HIBADH: variants seen among roughly 807,000 people sequenced by gnomAD.
HIBADH encodes the protein 3-hydroxyisobutyrate dehydrogenase, mitochondrial.
A neutral mutation model predicts 36.1 loss-of-function variants in HIBADH; 25 were observed. The ratio of observed to expected loss-of-function variants is 0.69; its 90% confidence interval spans 0.50 to 0.97. The LOEUF (loss-of-function observed/expected upper bound fraction) is 0.97, where lower values mean the gene tolerates loss of function less well. HIBADH is among the 50% of genes least tolerant of loss of function. The probability of loss-of-function intolerance (pLI) is 0.00; values close to 1 mark genes in which losing one functional copy is unlikely to be tolerated. For missense variants in HIBADH, 421 were observed against 418.0 expected (o/e 1.01, Z -0.06); for synonymous variants, 160 against 149.5 (o/e 1.07, Z -0.51).
Position 27,629,403 on chromosome 7 carries a change from C to T in HIBADH, c.452G>A (p.Gly151Glu). 6.2e-7 allele frequency: 1 copy of T among 1,611,882 alleles called. No individual in the cohort carries two copies. Among genetic ancestry groups the T allele is most frequent in the Non-Finnish European group, 8.5e-7 (1 of 1,178,808 alleles). Residue 151 changes from glycine (G) to glutamate (E), a missense_variant, in exon 4 of 8, where the codon GGA becomes GAA. By Grantham distance (98) the Gly-to-Glu change is moderately conservative. Coordinates refer to ENST00000265395, the MANE Select transcript of HIBADH (RefSeq NM_152740.4). ...KELAKEVEKM[G>E]AVFMDAPVSG... ...AACAGGGGCATCCATGAAAACTGCT[C>T]CCATTTTCTCAACTTCTTTGGCCAA...
intron 4 of HIBADH, among the ~76,000 whole-genome samples, chr7:27,586,390 G>C (rs1021053342): frequency 2.2e-5 from 3 of 135,566 alleles, no homozygotes; most frequent in African/African-American, 8.0e-5. Context: ...AGGAAAGAAG[G>C]AAGGAAGGGA....
At chr7:27,661,633 A>T (rs1006266028) in intron 1 of HIBADH, among the ~76,000 whole-genome samples, 3 of 150,644 alleles carry the variant, frequency 2.0e-5, no homozygotes, top group African/African-American at 7.3e-5. Context: ...AGGGGCTCAA[A>T]TCCTAACCCA....
In HIBADH at chr7:27,526,166, C is replaced by T; in HGVS notation, c.*48G>A. 1.3e-6 allele frequency: 2 copies of T among 1,520,424 alleles called. No homozygotes were observed. The highest frequency in any genetic ancestry group is 1.8e-6 in the Non-Finnish European group (2 of 1,134,570). 94.2% of individuals were successfully genotyped at this position (1,520,424 alleles called of 1,614,324 possible). A position where few individuals can be genotyped will look rare whatever the true frequency, so the allele number is the denominator to read the frequency against. On this transcript the variant is annotated 3_prime_UTR_variant, in exon 8 of 8. Transcript: ENST00000265395. ...TTGTGGAGTGAGCTAAAAGGAGGCT[C>T]CAAGACAGAGTTTGGTTCCCAACAG...
At chr7:27,633,812 A>C (rs903313390) in intron 2 of HIBADH, among the ~76,000 whole-genome samples, 1 of 152,206 alleles carries the variant, frequency 6.6e-6, no homozygotes. Flanking sequence ...TGTAAAAACT[A>C]ACATATTTCT....
intron 4 of HIBADH, among the ~76,000 whole-genome samples, chr7:27,558,243 T>A: frequency 6.6e-6 from 1 of 152,224 alleles, no homozygotes; most frequent in East Asian, 1.9e-4. Context: ...TTAATTCCAA[T>A]TACCACATTT....
At chr7:27,554,731 G>A (rs1306758571) in intron 4 of HIBADH, among the ~76,000 whole-genome samples, 3 of 152,090 alleles carry the variant, frequency 2.0e-5, no homozygotes, top group Non-Finnish European at 4.4e-5. Context: ...ATGATAACCC[G>A]GCAGCAAACA....
rs185844170 is a variant in HIBADH at position 27,647,852 on chromosome 7, G to C, written c.252+1621C>G. ...CAGTCGTTCCACATACAAGCTGGAA[G>C]TACTACAGGCATAGAGGGAAGAGTA... On this transcript the variant is annotated intron_variant, in intron 2 of 7. Transcript: ENST00000265395. The C allele has an allele frequency of 2.5e-3, 507 of 199,596 alleles. 1 individual carries two copies. The highest frequency in any genetic ancestry group is 3.8e-3 in the Non-Finnish European group (327 of 84,952). The allele number at this position is 199,596 out of a possible 1,614,324, so 12.4% of individuals were successfully genotyped here.
chr7:27,635,303 A>G (rs1785820340), intron 2 of HIBADH, among the ~76,000 whole-genome samples: 1 of 152,180 alleles, frequency 6.6e-6, no homozygotes, highest in Non-Finnish European at 1.5e-5. Context: ...TCTGACATCA[A>G]CTACAAAAGC....
chr7:27,653,169 G>A (rs1367131807), intron 1 of HIBADH, among the ~76,000 whole-genome samples: 1 of 152,050 alleles, frequency 6.6e-6, no homozygotes, highest in African/African-American at 2.4e-5. Context: ...AAATTTTGTG[G>A]GGACATAAAA....
intron 1 of HIBADH, among the ~76,000 whole-genome samples, chr7:27,652,913 G>T (rs1055234846): frequency 3.3e-5 from 5 of 152,162 alleles, no homozygotes; most frequent in Non-Finnish European, 7.4e-5. Context: ...TGGATCACCT[G>T]AGGTCAGGAG....
chr7:27,554,831 T>C (rs985537046), intron 4 of HIBADH, among the ~76,000 whole-genome samples: 4 of 152,196 alleles, frequency 2.6e-5, no homozygotes, highest in African/African-American at 9.7e-5. Flanking sequence ...ATCTCTTTCA[T>C]GTGAAAATCC....
chr7:27,548,758 C>T (rs575753598), intron 4 of HIBADH, among the ~76,000 whole-genome samples: 1 of 152,130 alleles, frequency 6.6e-6, no homozygotes, highest in East Asian at 1.9e-4. Flanking sequence ...GATGTATAAC[C>T]AGAAGAAAAT....
chr7:27,647,159 T>C (rs1305893093), intron 2 of HIBADH, among the ~76,000 whole-genome samples: 4 of 152,044 alleles, frequency 2.6e-5, no homozygotes, highest in African/African-American at 9.7e-5. Flanking sequence ...TACCTGAAAA[T>C]AAGCACGCGA....
chr7:27,577,815 C>T (rs1784735897), intron 4 of HIBADH, among the ~76,000 whole-genome samples: 1 of 152,206 alleles, frequency 6.6e-6, no homozygotes, highest in African/African-American at 2.4e-5. Flanking sequence ...AAATATACTT[C>T]CCTGATGTAC....
chr7:27,585,544 C>A (rs1008078401), intron 4 of HIBADH, among the ~76,000 whole-genome samples: 44 of 152,188 alleles, frequency 2.9e-4, no homozygotes, highest in African/African-American at 9.6e-4. Context: ...TTGTGGCTCA[C>A]ATTTCATCTC....
chr7:27,578,321 A>AT (rs5883091), intron 4 of HIBADH, among the ~76,000 whole-genome samples: 195 of 147,636 alleles, frequency 1.3e-3, no homozygotes, highest in Admixed American at 2.5e-3. Flanking sequence ...CAATGTTTAG[A>AT]TTTTTTTTTT....
intron 1 of HIBADH, among the ~76,000 whole-genome samples, chr7:27,660,123 A>G (rs1786386297): frequency 6.6e-6 from 1 of 152,246 alleles, no homozygotes; most frequent in Non-Finnish European, 1.5e-5. Flanking sequence ...TCATTTTTTT[A>G]AACAGTAAAT....
At chr7:27,564,145 G>A (rs1056567017) in intron 4 of HIBADH, among the ~76,000 whole-genome samples, 5 of 152,112 alleles carry the variant, frequency 3.3e-5, no homozygotes, top group Admixed American at 6.5e-5. Context: ...TGATCTGCCC[G>A]CCTCAGCCTC....
At position 27,531,254 on chromosome 7, in the gene HIBADH, T is replaced by G. The variant is rs1032507621; in HGVS notation, c.790A>C (p.Met264Leu). ...TTATTAGCCGAGGGAACGCCATCCA[T>G]CACTCCAGGTACAGGATTATAAGTG... is the stretch of plus-strand genomic sequence containing the variant. ...SDTYNPVPGV[M>L]DGVPSANNYQ... is the part of the protein sequence containing the mutation. The change falls in exon 7 of 8, where the codon ATG becomes CTG. Residue 264 changes from methionine to leucine, a missense_variant. Coordinates refer to ENST00000265395, the MANE Select transcript of HIBADH (RefSeq NM_152740.4). The G allele has an allele frequency of 6.2e-7, 1 of 1,614,052 alleles. No individual in the cohort carries two copies. The highest frequency in any genetic ancestry group is 1.7e-5 in the Admixed American group (1 of 60,004).
Sources: gnomAD v4.1 joint callset for allele counts (sites outside exome capture counted in the v4.1 genomes callset) on GRCh38, gnomAD v4.1.1 for gene constraint, MANE v1.5 for transcripts, NCBI Gene and HGNC (gene_info 2026-07-23, HGNC 2026-07-21) for gene names.